The following SLC5A12 variants were observed in gnomAD, a reference collection of about 807,000 sequenced individuals.
The protein encoded by SLC5A12 is solute carrier family 5 member 12, also known as sodium-coupled monocarboxylate transporter 2.
Under a neutral mutation model 72.7 loss-of-function variants are expected in SLC5A12, and 46 were observed. The ratio of observed to expected loss-of-function variants is 0.63; its 90% CI spans 0.50 to 0.81. The LOEUF (loss-of-function observed/expected upper bound fraction) is 0.81, where lower values mean the gene tolerates loss of function less well. Among genes scored for constraint, SLC5A12 ranks in the 30% least tolerant of loss-of-function variants. The probability of loss-of-function intolerance (pLI) is 0.00; values close to 1 mark genes in which losing one functional copy is unlikely to be tolerated. For synonymous variants in SLC5A12, 275 were observed against 264.4 expected, an observed-to-expected ratio of 1.04 and a Z score of -0.39; for missense variants, 683 against 740.7, an observed-to-expected ratio of 0.92 and a Z score of 0.90.
At chr11:26,710,532 C>T (rs1019346475) in intron 3 of SLC5A12, among the ~76,000 whole-genome samples, 2 of 151,926 alleles carry the variant, frequency 1.3e-5, no homozygotes, top group Admixed American at 6.6e-5. Context: ...TTTTAATGAC[C>T]GCCATTCTAA....
chr11:26,671,183 T>C lies in SLC5A12; in HGVS notation c.1776A>G (p.Arg592=), dbSNP rs1331912833. ...AGCCTGGAACATGTACCAGGCTTTC[T>C]CTTCTGAGTCCGTTCTGTAAGACAG... ...AESVLQNGLR[R]ESLVHVPGYD... Residue 592 remains arginine, a synonymous_variant, in exon 15 of 15, where the codon AGA becomes AGG. Coordinates refer to ENST00000396005, the MANE Select transcript of SLC5A12 (RefSeq NM_178498.4). 12 of 1,612,834 alleles carry C rather than the reference T, an allele frequency of 7.4e-6. No homozygotes were observed. The highest frequency in any genetic ancestry group is 9.3e-6 in the Non-Finnish European group (11 of 1,179,268).
At chr11:26,721,344 A>G (rs1279180410) in intron 1 of SLC5A12, 32 bp downstream of exon 1, 2 of 1,535,626 alleles carry the variant, frequency 1.3e-6, no homozygotes, top group Non-Finnish European at 1.8e-6. Flanking sequence ...ATGAGAAAAA[A>G]AAATTAGAGA....
At chr11:26,709,049 G>A in intron 4 of SLC5A12, 2 of 318,838 alleles carry the variant, frequency 6.3e-6, no homozygotes, top group Admixed American at 4.5e-5. Context: ...CTCTAATCAA[G>A]AAGACTTTTT....
intron 9 of SLC5A12, among the ~76,000 whole-genome samples, chr11:26,690,081 T>C (rs1854630001): frequency 6.6e-6 from 1 of 152,170 alleles, no homozygotes; most frequent in African/African-American, 2.4e-5. Flanking sequence ...AAAAAGTAGA[T>C]GCTATTGCTA....
chr11:26,692,724 C>G (rs1008296360), intron 8 of SLC5A12, 123 bp from the exon 9 acceptor site: 19 of 619,850 alleles, frequency 3.1e-5, no homozygotes, highest in Non-Finnish European at 5.2e-5. Context: ...AGATATATCT[C>G]TATCTTCTGA....
intron 1 of SLC5A12, 120 bp downstream of exon 1, chr11:26,721,256 T>C: frequency 1.3e-6 from 1 of 777,112 alleles, no homozygotes; most frequent in South Asian, 2.0e-5. Context: ...AAAAACATTT[T>C]AATGTCTTTC....
intron 3 of SLC5A12, among the ~76,000 whole-genome samples, chr11:26,711,051 A>G (rs968924534): frequency 2.0e-5 from 3 of 152,126 alleles, no homozygotes; most frequent in Non-Finnish European, 4.4e-5. Flanking sequence ...AAAAATAAAA[A>G]CCAAATCCCA....
chr11:26,692,690 C>T (rs2133172042), intron 8 of SLC5A12, 89 bp from the exon 9 acceptor site: 2 of 809,462 alleles, frequency 2.5e-6, no homozygotes, highest in South Asian at 3.1e-5. Flanking sequence ...ATAGATAAGG[C>T]AGGCCTCTAG....
chr11:26,687,432 C>T (rs756032343), intron 9 of SLC5A12, among the ~76,000 whole-genome samples: 3 of 152,148 alleles, frequency 2.0e-5, no homozygotes, highest in Non-Finnish European at 1.5e-5. Context: ...ACATATCCAA[C>T]CCAGTTCCCA....
intron 12 of SLC5A12, among the ~76,000 whole-genome samples, chr11:26,680,231 T>C (rs966257366): frequency 1.4e-5 from 2 of 147,120 alleles, no homozygotes; most frequent in African/African-American, 4.9e-5. Context: ...TGCTCTTACA[T>C]ACAATTAGAA....
intron 14 of SLC5A12, among the ~76,000 whole-genome samples, chr11:26,672,080 C>T (rs1399439747): frequency 1.3e-5 from 2 of 152,090 alleles, no homozygotes; most frequent in South Asian, 4.1e-4. Context: ...TTGCCCAGTT[C>T]CAATAAGAAC....
In SLC5A12 at chr11:26,703,648, C is replaced by T. The variant is rs145820994; in HGVS notation, c.704G>A (p.Arg235Gln). The part of the protein sequence containing the change: ...IFDFDVDPLR[R>Q]HTFWTITVGG... ...CACTGTGATAGTCCAAAAAGTGTGT[C>T]GCCTGAGAGGATCTACATCAAAGCT... The change falls in exon 6 of 15, where the codon CGA (arginine) becomes CAA (glutamine). Residue 235 changes from arginine (R) to glutamine (Q), a missense_variant. Transcript: ENST00000396005. The T allele has an allele frequency of 4.3e-5, 70 of 1,613,674 alleles. No individual in the cohort carries two copies. The highest frequency in any genetic ancestry group is 5.4e-5 in the Non-Finnish European group (64 of 1,179,860).
intron 1 of SLC5A12, among the ~76,000 whole-genome samples, chr11:26,717,174 T>C (rs899120670): frequency 5.3e-5 from 8 of 152,174 alleles, no homozygotes; most frequent in African/African-American, 1.9e-4. Context: ...GGAAAGCATT[T>C]ACCTAAAAAA....
At chr11:26,718,682 T>C (rs1243197796) in intron 1 of SLC5A12, among the ~76,000 whole-genome samples, 20 of 151,492 alleles carry the variant, frequency 1.3e-4, no homozygotes, top group Admixed American at 1.3e-3. Flanking sequence ...AGAGATGGAG[T>C]TTCTCCATGT....
chr11:26,678,619 G>C (rs116707492), intron 13 of SLC5A12, 93 bp downstream of exon 13: 1 of 898,992 alleles, frequency 1.1e-6, no homozygotes, highest in Non-Finnish European at 1.7e-6. Flanking sequence ...TGTGGGAAAC[G>C]TGAATTCAAA....
intron 11 of SLC5A12, among the ~76,000 whole-genome samples, chr11:26,683,519 T>C (rs1854455057): frequency 6.6e-6 from 1 of 152,112 alleles, no homozygotes; most frequent in Non-Finnish European, 1.5e-5. Flanking sequence ...CCTTAAAGAG[T>C]CAGCTTTGAT....
rs930768600 is a variant in SLC5A12, at chr11:26,669,249, T to G, written c.*1853A>C. 5 of 104,210 alleles carry G rather than the reference T, an allele frequency of 4.8e-5. No individual in the cohort carries two copies. The highest frequency in any genetic ancestry group is 1.7e-4 in the African/African-American group (5 of 29,548). 6.5% of individuals were successfully genotyped at this position (104,210 alleles called of 1,614,324 possible). A position where few individuals can be genotyped will look rare whatever the true frequency, so the allele number is the denominator to read the frequency against. ...TCTCCCTCCCTCTTTCTTTCTCTCTTCTTTCCCTAAGATATTAATAAAGCT... is the reference window on the plus strand; with the variant it reads ...TCTCCCTCCCTCTTTCTTTCTCTCTGCTTTCCCTAAGATATTAATAAAGCT... On this transcript the variant is annotated 3_prime_UTR_variant, in exon 15 of 15. Coordinates refer to ENST00000396005, the MANE Select transcript of SLC5A12 (RefSeq NM_178498.4).
At chr11:26,703,702 G>T in intron 5 of SLC5A12, 31 bp from the exon 6 acceptor site, 2 of 1,613,424 alleles carry the variant, frequency 1.2e-6, no homozygotes, top group Non-Finnish European at 1.7e-6. Context: ...AGTGAACAAA[G>T]ATATTCCTTT....
At position 26,677,402 on chromosome 11, in the gene SLC5A12, C is replaced by A. The variant is rs150160620; in HGVS notation, c.1579+1310G>T. 2.7e-3 allele frequency among the ~76,000 whole-genome samples: 413 copies of A among 152,220 alleles called. 1 individual carries two copies. Among genetic ancestry groups the A allele is most frequent in the Middle Eastern group, 6.8e-3 (2 of 294 alleles). On this transcript the variant is annotated intron_variant, in intron 13 of 14. Transcript: ENST00000396005. ...CACATGGAAAATATGGACTGGCAAA[C>A]TACTGGATTTCATGTGTACACATTT...
Sources: allele counts gnomAD v4.1 joint callset (sites outside exome capture counted in the v4.1 genomes callset), GRCh38; gene constraint gnomAD v4.1.1; transcripts MANE v1.5; gene names NCBI Gene and HGNC (gene_info 2026-07-23, HGNC 2026-07-21).